CPOX: variants seen among roughly 807,000 people sequenced by gnomAD.
The protein encoded by CPOX is coproporphyrinogen oxidase.
CPOX carries 24 observed loss-of-function variants against 48.9 expected under a neutral mutation model. The ratio of observed to expected loss-of-function variants is 0.49; its 90% CI spans 0.36 to 0.69. The LOEUF (loss-of-function observed/expected upper bound fraction) is 0.69, where lower values mean the gene tolerates loss of function less well. Ranked by LOEUF, CPOX falls within the 30% of genes least tolerant of loss-of-function variation. The pLI is 0.00. For missense variants in CPOX, 549 were observed against 597.3 expected (o/e 0.92, Z 0.84); for synonymous variants, 249 against 234.6 (o/e 1.06, Z -0.56).
At chr3:98,572,147 T>C in the CPOX span, among the ~76,000 whole-genome samples, 85 of 152,320 alleles carry the variant, frequency 5.6e-4, 1 homozygote, top group African/African-American at 2.0e-3. Context: ...AGGGACTGAG[T>C]GAAATAATTC....
At chr3:98,571,158 CTT>C in the CPOX span, among the ~76,000 whole-genome samples, 1 of 152,124 alleles carries the variant, frequency 6.6e-6, no homozygotes, top group Non-Finnish European at 1.5e-5. Flanking sequence ...AATTTTACCT[CTT>C]CTTTTCTAAT....
chr3:98,578,636 GCTTT>G (rs761190020), downstream of CPOX, among the ~76,000 whole-genome samples: 17 of 152,104 alleles, frequency 1.1e-4, no homozygotes, highest in Admixed American at 3.3e-4. Context: ...CCATTGATCT[GCTTT>G]CTGTCATTAA....
At chr3:98,588,670 G>A (rs767913223) in intron 4 of CPOX, 43 bp downstream of exon 4, 1 of 1,608,948 alleles carries the variant, frequency 6.2e-7, no homozygotes, top group African/African-American at 1.3e-5. Flanking sequence ...AGAAGGAACA[G>A]AATGTAATTT....
downstream of CPOX, among the ~76,000 whole-genome samples, chr3:98,577,870 C>G (rs1409539884): frequency 6.6e-6 from 1 of 152,164 alleles, no homozygotes; most frequent in Non-Finnish European, 1.5e-5. Context: ...ATTGTAACAG[C>G]AAAAGACACA....
In CPOX at chr3:98,585,427, T is replaced by C. The variant is rs16839985; in HGVS notation, c.1172+14A>G. The C allele has an allele frequency of 1.5e-3, 2,399 of 1,611,314 alleles. 36 individuals are homozygous for C. The African/African-American group carries it at 0.028, about 19-fold the overall frequency. ...CCACTTAGCCATGAAAGAATTCGTT[T>C]TCCAGTCACTTACCGTCCTCTTCTG... is the stretch of plus-strand genomic sequence containing the variant. On this transcript the variant is annotated intron_variant, in intron 5 of 6. Transcript: ENST00000647941.
At chr3:98,589,468 T>A (rs1219565093) in intron 3 of CPOX, among the ~76,000 whole-genome samples, 1 of 151,962 alleles carries the variant, frequency 6.6e-6, no homozygotes, top group Admixed American at 6.6e-5. Context: ...TGGCTGTATA[T>A]AAGAATCACA....
intron 5 of CPOX, among the ~76,000 whole-genome samples, chr3:98,585,045 T>G (rs1202119606): frequency 6.6e-6 from 1 of 152,194 alleles, no homozygotes; most frequent in Non-Finnish European, 1.5e-5. Context: ...TTTCTGAAAT[T>G]ATTTCCATTA....
chr3:98,589,954 T>C (rs1359474913), intron 3 of CPOX, among the ~76,000 whole-genome samples: 1 of 152,254 alleles, frequency 6.6e-6, no homozygotes, highest in Non-Finnish European at 1.5e-5. Context: ...CTAGCAAAGC[T>C]ATGCATATGT....
At position 98,591,006 on chromosome 3, in the gene CPOX, A is replaced by T; in HGVS notation, c.700+6T>A. ...TATTAGAGACTATCAAGACTGTCTG[A>T]TTTACCATCTTTAGTCTTCAGAACT... On this transcript the variant is annotated splice_donor_region_variant and intron_variant, in intron 2 of 6. Coordinates refer to ENST00000647941, the MANE Select transcript of CPOX (RefSeq NM_000097.7). 6.2e-7 allele frequency: 1 copy of T among 1,614,088 alleles called. No homozygotes were observed. The highest frequency in any genetic ancestry group is 8.5e-7 in the Non-Finnish European group (1 of 1,179,948).
chr3:98,591,586 C>T (rs1300776496), intron 1 of CPOX, among the ~76,000 whole-genome samples: 2 of 152,070 alleles, frequency 1.3e-5, no homozygotes, highest in East Asian at 3.8e-4. Flanking sequence ...GGGCTGCTTG[C>T]CTTTTAATTT....
downstream of CPOX, among the ~76,000 whole-genome samples, chr3:98,575,188 T>A (rs1388847076): frequency 6.6e-6 from 1 of 152,218 alleles, no homozygotes; most frequent in Non-Finnish European, 1.5e-5. Context: ...CTTTGATACC[T>A]CTCAACCATC....
chr3:98,579,719 AAG>A lies in CPOX; in HGVS notation c.*962_*963del, dbSNP rs1707215200. The A allele has an allele frequency of 1.0e-6, 1 of 985,452 alleles. No individual in the cohort carries two copies. Among genetic ancestry groups the A allele is most frequent in the East Asian group, 1.1e-4 (1 of 8,816 alleles). The allele number at this position is 985,452 out of a possible 1,614,324, so 61.0% of individuals were successfully genotyped here. A position where few individuals can be genotyped will look rare whatever the true frequency, so the allele number is the denominator to read the frequency against. ...GAGCTGCAGAATCTCTAATATAAAA[AAG>A]AGGACATTTTCAATGTGTCCATTTT... On this transcript the variant is annotated 3_prime_UTR_variant, in exon 7 of 7. Transcript: ENST00000647941.
intron 1 of CPOX, among the ~76,000 whole-genome samples, chr3:98,592,193 T>G (rs776236619): frequency 5.9e-5 from 9 of 152,146 alleles, no homozygotes; most frequent in Non-Finnish European, 1.2e-4. Context: ...AATATAGATG[T>G]GTCAGTATCA....
At chr3:98,585,864 TTTTTC>T (rs376097965) in intron 4 of CPOX, 232 of 598,966 alleles carry the variant, frequency 3.9e-4, no homozygotes, top group African/African-American at 1.4e-3. Flanking sequence ...GCTTATCCTC[TTTTTC>T]TTTTCTTTTC....
Position 98,593,537 on chromosome 3 carries a change from G to A in CPOX, c.-33C>T. 1.3e-6 allele frequency: 2 copies of A among 1,509,030 alleles called. No homozygotes were observed. The highest frequency in any genetic ancestry group is 1.2e-5 in the South Asian group (1 of 81,180). The allele number at this position is 1,509,030 out of a possible 1,614,324, so 93.5% of individuals were successfully genotyped here. On this transcript the variant is annotated 5_prime_UTR_variant, in exon 1 of 7. It adds an upstream start codon to the 5' untranslated region. Transcript: ENST00000647941. ...CACTATCACCTGGAGCAGTGCCTGC[G>A]TCCCAGAGCCCTGCGTTTGAGCCCC... is the stretch of plus-strand genomic sequence containing the variant.
In CPOX at chr3:98,591,064, C is replaced by G; in HGVS notation, c.648G>C (p.Glu216Asp). 1 of 1,614,150 alleles carries G rather than the reference C, an allele frequency of 6.2e-7. No homozygotes were observed. The highest frequency in any genetic ancestry group is 8.5e-7 in the Non-Finnish European group (1 of 1,180,010). Residue 216 changes from glutamate (E) to aspartate (D), a missense_variant, in exon 2 of 7, where the codon GAG (glutamate) becomes GAC (aspartate). By Grantham distance (45) the Glu-to-Asp change is conservative. This residue lies in a region of CPOX where 336 missense variants were observed against 318.1 expected (regional missense o/e 1.06). Coordinates refer to ENST00000647941, the MANE Select transcript of CPOX (RefSeq NM_000097.7). ...TGCTTCTCATTTGTTTTGCAGCTTC[C>G]TCTGAAAGATTTCCATGAACAACAG... ...SISVVHGNLS[E>D]EAAKQMRSRG...
chr3:98,591,187 G>A, intron 1 of CPOX, 32 bp from the exon 2 acceptor site: 2 of 1,613,598 alleles, frequency 1.2e-6, no homozygotes, highest in South Asian at 1.1e-5. Flanking sequence ...AGGAGAGAAT[G>A]TAAGAGTATG....
At chr3:98,591,985 G>A (rs201463766) in intron 1 of CPOX, among the ~76,000 whole-genome samples, 26 of 74,790 alleles carry the variant, frequency 3.5e-4, no homozygotes, top group African/African-American at 1.8e-3. Flanking sequence ...ATATATATAT[G>A]TATATGGATA....
At chr3:98,588,424 A>T (rs900622594) in intron 4 of CPOX, among the ~76,000 whole-genome samples, 4 of 152,202 alleles carry the variant, frequency 2.6e-5, no homozygotes, top group Non-Finnish European at 5.9e-5. Flanking sequence ...AACCCACTCC[A>T]GATTAAAAAG....
Sources: allele counts gnomAD v4.1 joint callset (sites outside exome capture counted in the v4.1 genomes callset), GRCh38; gene constraint gnomAD v4.1.1; regional missense constraint gnomAD v4.1.1; transcripts MANE v1.5; gene names NCBI Gene and HGNC (gene_info 2026-07-23, HGNC 2026-07-21).